HERC4: variants seen among roughly 807,000 people sequenced by gnomAD.
The protein encoded by HERC4 is HECT and RLD domain containing E3 ubiquitin protein ligase 4, also known as probable E3 ubiquitin-protein ligase HERC4.
HERC4 carries 28 observed loss-of-function variants against 124.3 expected under a neutral mutation model. The observed-to-expected ratio is 0.23, with a 90% CI of 0.17 to 0.31. The LOEUF (loss-of-function observed/expected upper bound fraction) is 0.31. Ranked by LOEUF, HERC4 falls within the 10% of genes least tolerant of loss-of-function variation. HERC4 has a pLI of 1.00. For missense variants in HERC4, 713 were observed against 1,229.3 expected (o/e 0.58, Z 6.28); for synonymous variants, 407 against 421.5 (o/e 0.97, Z 0.42).
rs571663014 is a variant in HERC4 at position 68,045,789 on chromosome 10, G to A, written c.227-1226C>T. Among the ~76,000 whole-genome samples, 10 of 152,262 alleles carry A rather than the reference G, an allele frequency of 6.6e-5. No homozygotes were observed. The South Asian group carries it at 2.1e-3, about 32-fold the overall frequency. ...CTTATGTTGAAAGTGGTTAAAACTG[G>A]ATCAATCAGGGTTTCTTCAGAGGCA... On this transcript the variant is annotated intron_variant, in intron 3 of 24. Transcript: ENST00000373700.
intron 3 of HERC4, among the ~76,000 whole-genome samples, chr10:68,056,638 T>C (rs1432672909): frequency 6.6e-6 from 1 of 152,186 alleles, no homozygotes; most frequent in South Asian, 2.1e-4. Context: ...AACTGAAATA[T>C]ACCTTGGAAA....
intron 9 of HERC4, chr10:67,996,178 A>AT (rs1356708240): frequency 2.2e-6 from 1 of 444,768 alleles, no homozygotes; most frequent in African/African-American, 2.0e-5. Context: ...GTGGTGGCGC[A>AT]TGCCTGTAGT....
intron 11 of HERC4, among the ~76,000 whole-genome samples, chr10:67,991,522 A>T (rs896915053): frequency 7.2e-5 from 11 of 152,318 alleles, no homozygotes; most frequent in African/African-American, 2.4e-4. Context: ...AAAAAATTTT[A>T]AACATTTTAT....
intron 20 of HERC4, 91 bp from the exon 21 acceptor site, chr10:67,939,745 T>C: frequency 1.9e-6 from 1 of 520,760 alleles, no homozygotes; most frequent in Non-Finnish European, 3.2e-6. Context: ...TATATACTTC[T>C]CATTCCCTCT....
At chr10:67,953,995 G>T (rs192774175) in intron 19 of HERC4, among the ~76,000 whole-genome samples, 32 of 152,188 alleles carry the variant, frequency 2.1e-4, no homozygotes, top group African/African-American at 7.7e-4. Context: ...TTTCAAGTCA[G>T]GAGTTCTACT....
At chr10:68,039,505 T>G in intron 4 of HERC4, 1 of 1,550,420 alleles carries the variant, frequency 6.4e-7, no homozygotes, top group Non-Finnish European at 8.7e-7. Context: ...CAAATCAAAG[T>G]TTGAGCAGGA....
chr10:67,930,633 T>C (rs2031693339), intron 23 of HERC4, among the ~76,000 whole-genome samples: 3 of 152,226 alleles, frequency 2.0e-5, no homozygotes, highest in Non-Finnish European at 4.4e-5. Flanking sequence ...GTCATCTTAA[T>C]AGGTATACAG....
intron 3 of HERC4, among the ~76,000 whole-genome samples, chr10:68,052,725 T>C (rs2040376146): frequency 6.6e-6 from 1 of 152,202 alleles, no homozygotes; most frequent in African/African-American, 2.4e-5. Flanking sequence ...TCCAATTCAT[T>C]GTGTAAGAGT....
intron 11 of HERC4, among the ~76,000 whole-genome samples, chr10:67,991,466 T>G (rs1212389380): frequency 6.6e-6 from 1 of 152,158 alleles, no homozygotes; most frequent in Non-Finnish European, 1.5e-5. Flanking sequence ...AACATGGTAT[T>G]TTAAAAATTA....
At chr10:67,939,530 G>A (rs1423835755) in intron 21 of HERC4, 58 bp downstream of exon 21, 19 of 1,161,966 alleles carry the variant, frequency 1.6e-5, no homozygotes, top group Middle Eastern at 4.0e-4. Flanking sequence ...CCTAAGACAC[G>A]GCTGTTAAAT....
At chr10:68,071,740 C>CT (rs1451072404) in intron 3 of HERC4, among the ~76,000 whole-genome samples, 1 of 152,168 alleles carries the variant, frequency 6.6e-6, no homozygotes, top group Non-Finnish European at 1.5e-5. Context: ...CTGCCATTTA[C>CT]TTTGAGTTCT....
chr10:68,075,008 G>A (rs1215449279), intron 1 of HERC4, 136 bp downstream of exon 1: 2 of 152,736 alleles, frequency 1.3e-5, no homozygotes, highest in East Asian at 3.8e-4. Flanking sequence ...CAGAGAGCAA[G>A]GCAGCGCGGT....
chr10:67,954,886 C>T (rs2034040881), intron 18 of HERC4, 77 bp downstream of exon 18: 2 of 1,396,702 alleles, frequency 1.4e-6, no homozygotes, highest in Non-Finnish European at 1.9e-6. Flanking sequence ...AAAAGATTCA[C>T]TAAAAACAAA....
chr10:68,043,097 C>G (rs1004945791), intron 4 of HERC4, among the ~76,000 whole-genome samples: 1 of 152,138 alleles, frequency 6.6e-6, no homozygotes, highest in Non-Finnish European at 1.5e-5. Context: ...TAATAAAATT[C>G]TCTCCTTATA....
chr10:68,035,066 A>T (rs987651994), intron 5 of HERC4, among the ~76,000 whole-genome samples: 1 of 152,164 alleles, frequency 6.6e-6, no homozygotes, highest in South Asian at 2.1e-4. Flanking sequence ...TGATTTTTTT[A>T]AGTTGAAACA....
In HERC4 at chr10:67,957,112, C is replaced by T. The variant is rs1589175983; in HGVS notation, c.1927-136G>A. ...GTTCTGGAATTACAAATAAAACATG[C>T]TGCTTACAGAATTATTAAAAATTAA... On this transcript the variant is annotated intron_variant, in intron 16 of 24. Transcript: ENST00000373700. 8 of 511,054 alleles carry T rather than the reference C, an allele frequency of 1.6e-5. No homozygotes were observed. The East Asian group carries it at 2.4e-4, about 15-fold the overall frequency. 31.7% of individuals were successfully genotyped at this position (511,054 alleles called of 1,614,324 possible). A position where few individuals can be genotyped will look rare whatever the true frequency, so the allele number is the denominator to read the frequency against.
At chr10:68,026,836 G>A (rs924414643) in intron 7 of HERC4, among the ~76,000 whole-genome samples, 17 of 149,796 alleles carry the variant, frequency 1.1e-4, no homozygotes, top group African/African-American at 3.2e-4. Context: ...GAAAGACTCC[G>A]TCTCAAAAAA....
chr10:67,997,086 T>C (rs1028210750), intron 9 of HERC4, among the ~76,000 whole-genome samples: 9 of 152,254 alleles, frequency 5.9e-5, no homozygotes, highest in Admixed American at 5.2e-4. Flanking sequence ...TTGCAGAATA[T>C]TAAAGAGCAT....
intron 15 of HERC4, among the ~76,000 whole-genome samples, chr10:67,978,699 G>A (rs942615971): frequency 1.3e-5 from 2 of 152,230 alleles, no homozygotes; most frequent in Admixed American, 1.3e-4. Context: ...GTCTGATCCA[G>A]TGTAGTCCCA....
Sources: allele counts gnomAD v4.1 joint callset (sites outside exome capture counted in the v4.1 genomes callset), GRCh38; gene constraint gnomAD v4.1.1; transcripts MANE v1.5; gene names NCBI Gene and HGNC (gene_info 2026-07-23, HGNC 2026-07-21).